Variants in ACY3 observed in about 807,000 individuals in gnomAD.
The protein encoded by ACY3 is aminoacylase 3, also known as N-acyl-aromatic-L-amino acid amidohydrolase (carboxylate-forming).
In ACY3, 20 loss-of-function variants were observed where a neutral mutation model predicts 24.6. The ratio of observed to expected loss-of-function variants is 0.81; its 90% confidence interval spans 0.57 to 1.18. ACY3 has a LOEUF of 1.18. ACY3 is among the 50% of genes most tolerant of loss of function. The pLI is 0.00. For missense variants in ACY3, 423 were observed against 426.8 expected (o/e 0.99, Z 0.08); for synonymous variants, 174 against 188.4 (o/e 0.92, Z 0.62).
At chr11:67,648,203 C>T (rs1479106997) in intron 1 of ACY3, among the ~76,000 whole-genome samples, 2 of 152,192 alleles carry the variant, frequency 1.3e-5, no homozygotes, top group African/African-American at 4.8e-5. Flanking sequence ...AACTGAGGCT[C>T]AGAAAATTGT....
chr11:67,649,859 A>C (rs1387650859), intron 1 of ACY3, among the ~76,000 whole-genome samples: 1 of 131,668 alleles, frequency 7.6e-6, no homozygotes, highest in Admixed American at 7.5e-5. Context: ...TGTGCATGAG[A>C]GTGTGTGTGC....
At position 67,646,355 on chromosome 11, in the gene ACY3, C is replaced by A. The variant is rs573488786; in HGVS notation, c.236+453G>T. Among the ~76,000 whole-genome samples the A allele has an allele frequency of 3.9e-5, 6 of 152,346 alleles. No individual in the cohort carries two copies. The South Asian group carries it at 1.0e-3, about 26-fold the overall frequency. On this transcript the variant is annotated intron_variant, in intron 3 of 7. Transcript: ENST00000255082. ...TGTAGCCTCCGGCCCTGCCTTTAGC[C>A]CCCTGGGTTATGGTTGCCCGGTTCT...
rs146829262 is a variant in ACY3 at position 67,642,854 on chromosome 11, G to C, written c.830C>G (p.Thr277Arg). The C allele has an allele frequency of 1.5e-5, 24 of 1,613,998 alleles. No homozygotes were observed. The highest frequency in any genetic ancestry group is 2.0e-5 in the Non-Finnish European group (24 of 1,180,052). Residue 277 changes from threonine (T) to arginine (R), a missense_variant, in exon 8 of 8, where the codon ACG (threonine) becomes AGG (arginine). Coordinates refer to ENST00000255082, the MANE Select transcript of ACY3 (RefSeq NM_080658.2). ...CTCGTTAATGAACACGGGGTACACCGTGGACTCTCCCTCATAGAGCAGGTC... is the reference window on the plus strand; with the variant it reads ...CTCGTTAATGAACACGGGGTACACCCTGGACTCTCCCTCATAGAGCAGGTC... ...GEDLLYEGESTVYPVFINEAA... is the reference protein window; with the variant it reads ...GEDLLYEGESRVYPVFINEAA...
Position 67,644,878 on chromosome 11 carries a change from GA to G in ACY3, c.635-10del, listed in dbSNP as rs749559726. ...GGCAGGAAAGGCCGTACCTGTGTGGGAGGCTGGGTGTGTGAGCCCATCCCTC... is the reference window on the plus strand; with the variant it reads ...GGCAGGAAAGGCCGTACCTGTGTGGGGGCTGGGTGTGTGAGCCCATCCCTC... On this transcript the variant is annotated splice_polypyrimidine_tract_variant and intron_variant, in intron 6 of 7. Transcript: ENST00000255082. 6.2e-6 allele frequency: 10 copies of G among 1,609,056 alleles called. No individual in the cohort carries two copies. In the African/African-American group the frequency reaches 1.3e-4, roughly 22 times the overall value.
Position 67,647,555 on chromosome 11 carries a change from G to A in ACY3, c.-60C>T, listed in dbSNP as rs187282641. ...TGGGCTTCCCGGGCCACCAGGACTG[G>A]CGTCTAACTCGCAGACAGGCTGGTA... On this transcript the variant is annotated 5_prime_UTR_variant, in exon 2 of 8. Coordinates refer to ENST00000255082, the MANE Select transcript of ACY3 (RefSeq NM_080658.2). 3 of 152,802 alleles carry A rather than the reference G, an allele frequency of 2.0e-5. No individual in the cohort carries two copies. Among genetic ancestry groups the A allele is most frequent in the African/African-American group, 7.2e-5 (3 of 41,424 alleles). 9.5% of individuals were successfully genotyped at this position (152,802 alleles called of 1,614,324 possible).
In ACY3 at chr11:67,642,935, C is replaced by T. The variant is rs140495037; in HGVS notation, c.749G>A (p.Arg250Gln). 2.9e-5 allele frequency: 46 copies of T among 1,613,086 alleles called. No individual in the cohort carries two copies. The highest frequency in any genetic ancestry group is 6.6e-5 in the South Asian group (6 of 91,014). ...ACCAGGCTGCAGTGGCTGGAAGTCT[C>T]GGTCCTGGGAGGAGAGCCAAAGGCC... ...AGTVHPQLQD[R>Q]DFQPLQPGAP... Residue 250 changes from arginine to glutamine, a missense_variant, in exon 8 of 8, where the codon CGA becomes CAA. Transcript: ENST00000255082.
intron 1 of ACY3, among the ~76,000 whole-genome samples, chr11:67,649,603 C>T (rs575871137): frequency 7.4e-5 from 11 of 147,826 alleles, no homozygotes; most frequent in East Asian, 2.0e-4. Flanking sequence ...CATGTGTGTG[C>T]GTGTGTGCAC....
intron 7 of ACY3, among the ~76,000 whole-genome samples, chr11:67,643,386 T>G (rs1457743146): frequency 2.0e-5 from 3 of 152,244 alleles, no homozygotes; most frequent in African/African-American, 4.8e-5. Context: ...GATTCTTTAT[T>G]AAATAAATTT....
chr11:67,645,366 C>G lies in ACY3; in HGVS notation c.447G>C (p.Glu149Asp), dbSNP rs1181838248. The G allele has an allele frequency of 1.9e-6, 3 of 1,613,352 alleles. No homozygotes were observed. Among genetic ancestry groups the G allele is most frequent in the Non-Finnish European group, 8.5e-7 (1 of 1,179,958 alleles). Residue 149 changes from glutamate to aspartate, a missense_variant, in exon 5 of 8, where the codon GAG becomes GAC. Physicochemically the swap from Glu to Asp is conservative, Grantham distance 45. Coordinates refer to ENST00000255082, the MANE Select transcript of ACY3 (RefSeq NM_080658.2). ...LCRHLQLQYPELSCQVFLYQR... is the reference protein window; with the variant it reads ...LCRHLQLQYPDLSCQVFLYQR... ...GGTACAGGAAGACCTGGCAGGACAG[C>G]TCGGGGTACTGCAGCTGGGGGCGAG...
chr11:67,646,968 A>G lies in ACY3; in HGVS notation c.76T>C (p.Ser26Pro). ...VTGGTHGNEM[S>P]GVYLARHWLH... is the part of the protein sequence containing the mutation. ...CAGTGCCGGGCCAGGTAGACGCCCG[A>G]CATCTCGTTGCCATGCGTGCCCCCA... Residue 26 changes from serine (S) to proline (P), a missense_variant, in exon 3 of 8, where the codon TCG becomes CCG. Ser to Pro is a moderately conservative substitution (Grantham distance 74). Transcript: ENST00000255082. 6.3e-7 allele frequency: 1 copy of G among 1,581,618 alleles called. No individual in the cohort carries two copies. Among genetic ancestry groups the G allele is most frequent in the Non-Finnish European group, 8.6e-7 (1 of 1,163,492 alleles).
chr11:67,650,168 C>T (rs1855601273), intron 1 of ACY3, among the ~76,000 whole-genome samples: 1 of 152,112 alleles, frequency 6.6e-6, no homozygotes, highest in Non-Finnish European at 1.5e-5. Flanking sequence ...TGGGCATCAT[C>T]ACGGGGGCCA....
chr11:67,646,057 C>G (rs1002719363), intron 3 of ACY3, among the ~76,000 whole-genome samples, 170 bp from the exon 4 acceptor site: 1 of 152,194 alleles, frequency 6.6e-6, no homozygotes, highest in East Asian at 1.9e-4. Flanking sequence ...CCTCTTGGCT[C>G]TGCACTTCCC....
At chr11:67,649,508 GC>G (rs1445543818) in intron 1 of ACY3, among the ~76,000 whole-genome samples, 2 of 152,132 alleles carry the variant, frequency 1.3e-5, no homozygotes, top group African/African-American at 4.8e-5. Context: ...AGAAACAGCA[GC>G]CCCCAGTCCT....
Position 67,642,633 on chromosome 11 carries a change from T to C in ACY3, c.*91A>G. 1 of 1,340,996 alleles carries C rather than the reference T, an allele frequency of 7.5e-7. No homozygotes were observed. Among genetic ancestry groups the C allele is most frequent in the South Asian group, 1.2e-5 (1 of 84,694 alleles). The allele number at this position is 1,340,996 out of a possible 1,614,324, so 83.1% of individuals were successfully genotyped here. ...GCCTGGCAAGGAACATGGTGCATGG[T>C]AGGTGGCAGAAGGGACCTCTGTGCT... is the stretch of plus-strand genomic sequence containing the variant. On this transcript the variant is annotated 3_prime_UTR_variant, in exon 8 of 8. Coordinates refer to ENST00000255082, the MANE Select transcript of ACY3 (RefSeq NM_080658.2).
intron 1 of ACY3, among the ~76,000 whole-genome samples, chr11:67,649,806 T>C (rs1483108026): frequency 7.0e-6 from 1 of 142,652 alleles, no homozygotes; most frequent in Non-Finnish European, 1.5e-5. Context: ...CATGAGAGTA[T>C]TGTGTGCATG....
chr11:67,647,341 A>G (rs921721027), intron 2 of ACY3, among the ~76,000 whole-genome samples, 175 bp downstream of exon 2: 1 of 152,184 alleles, frequency 6.6e-6, no homozygotes, highest in African/African-American at 2.4e-5. Context: ...TCCCTATAGG[A>G]AGAGGACTGC....
chr11:67,645,950 G>A, intron 3 of ACY3, 63 bp from the exon 4 acceptor site: 2 of 1,493,136 alleles, frequency 1.3e-6, no homozygotes, highest in Non-Finnish European at 1.8e-6. Context: ...AGTGGTTTAA[G>A]GGGAAAGGGG....
Position 67,645,088 on chromosome 11 carries a change from G to T in ACY3, c.591C>A (p.Thr197=). The T allele has an allele frequency of 1.2e-6, 2 of 1,613,884 alleles. No individual in the cohort carries two copies. Among genetic ancestry groups the T allele is most frequent in the Non-Finnish European group, 1.7e-6 (2 of 1,179,976 alleles). The part of the protein sequence containing the change: ...LRADIFSRMR[T]LVATVLDFIE... ...TGAAGTCCAGAACTGTGGCCACCAG[G>T]GTCCTCATCCTTGAGAAAATGTCAG... Residue 197 remains threonine (T), a synonymous_variant, in exon 6 of 8, where the codon ACC becomes ACA. Transcript: ENST00000255082.
At position 67,644,828 on chromosome 11, in the gene ACY3, C is replaced by A; in HGVS notation, c.676G>T (p.Val226Leu). ...GTGCGGGGGAAGTCCACGACGCCCA[C>A]GGGTCTATAGGCTTCCATCTCAAAG... ...PAFEMEAYRP[V>L]GVVDFPRTEA... Residue 226 changes from valine to leucine, a missense_variant, in exon 7 of 8, where the codon GTG (valine) becomes TTG (leucine). Transcript: ENST00000255082. The A allele has an allele frequency of 1.3e-6, 2 of 1,584,596 alleles. No homozygotes were observed. Among genetic ancestry groups the A allele is most frequent in the Admixed American group, 1.8e-5 (1 of 54,636 alleles).
Sources: allele counts gnomAD v4.1 joint callset (sites outside exome capture counted in the v4.1 genomes callset), GRCh38; gene constraint gnomAD v4.1.1; transcripts MANE v1.5; gene names NCBI Gene and HGNC (gene_info 2026-07-23, HGNC 2026-07-21).